The following ATE1 variants were observed in gnomAD, a reference collection of about 807,000 sequenced individuals.
The protein encoded by ATE1 is arginyl-tRNA--protein transferase 1.
Under a neutral mutation model 70.5 loss-of-function variants are expected in ATE1, and 36 were observed. The observed-to-expected ratio is 0.51, with a 90% CI of 0.39 to 0.67. The LOEUF (loss-of-function observed/expected upper bound fraction) is 0.67. ATE1 is among the 30% of genes least tolerant of loss of function. ATE1 has a pLI of 0.00. For synonymous variants in ATE1, 232 were observed against 219.3 expected (o/e 1.06, Z -0.51); for missense variants, 593 against 629.5 (o/e 0.94, Z 0.62).
chr10:121,836,803 G>C lies in ATE1; in HGVS notation c.1172C>G (p.Thr391Ser). The C allele has an allele frequency of 6.3e-7, 1 of 1,599,918 alleles. No homozygotes were observed. The change falls in exon 10 of 12, where the codon ACT becomes AGT. Residue 391 changes from threonine (T) to serine (S), a missense_variant. Around this residue, in one of 3 missense-constraint regions of ATE1, gnomAD observed 36 missense variants for 66.3 expected, o/e 0.54. Coordinates refer to ENST00000224652, the MANE Select transcript of ATE1 (RefSeq NM_001001976.3). ...AGAAGTTTTCTCATGAAGCTGCCTA[G>C]TAAAAGCAATTTCTCTGCGAAAAGA... ...VYSALREIAF[T>S]RQLHEKTSQL...
At chr10:121,895,228 T>C (rs1950733548) in intron 7 of ATE1, among the ~76,000 whole-genome samples, 1 of 152,186 alleles carries the variant, frequency 6.6e-6, no homozygotes, top group African/African-American at 2.4e-5. Context: ...ATTCCACGCG[T>C]ACGTATACAC....
intron 8 of ATE1, among the ~76,000 whole-genome samples, chr10:121,847,782 C>T (rs1189817973): frequency 2.4e-5 from 3 of 123,172 alleles, no homozygotes; most frequent in South Asian, 2.8e-4. Flanking sequence ...AAAAAAAAAT[C>T]GTGAACAGGC....
chr10:121,745,029 GC>G (rs761466493), intron 11 of ATE1, among the ~76,000 whole-genome samples: 14 of 152,162 alleles, frequency 9.2e-5, no homozygotes, highest in Non-Finnish European at 1.6e-4. Context: ...CAAAACAAAA[GC>G]TAGAAGGGAC....
chr10:121,928,011 C>T lies in ATE1; in HGVS notation c.-62G>A. ...GCGTCGCTAGCGCGGCCGCCGCCGC[C>T]ACCCCACAATGCAGCGCGCCGCCCG... On this transcript the variant is annotated 5_prime_UTR_variant, in exon 1 of 12. Transcript: ENST00000224652. 7.2e-7 allele frequency: 1 copy of T among 1,386,648 alleles called. No homozygotes were observed. The highest frequency in any genetic ancestry group is 1.6e-5 in the South Asian group (1 of 60,880). 85.9% of individuals were successfully genotyped at this position (1,386,648 alleles called of 1,614,324 possible). A position where few individuals can be genotyped will look rare whatever the true frequency, so the allele number is the denominator to read the frequency against.
In ATE1 at chr10:121,757,788, G is replaced by A. The variant is rs560570653; in HGVS notation, c.1379-13930C>T. On this transcript the variant is annotated intron_variant, in intron 11 of 11. Transcript: ENST00000224652. The stretch of plus-strand genomic sequence containing the variant: ...GTGAGAATTATGGGAGCTACAAGAT[G>A]ACATTTGGGTGGGGACACAGAGCCA... 3.3e-5 allele frequency among the ~76,000 whole-genome samples: 5 copies of A among 152,332 alleles called. No homozygotes were observed. In the East Asian group the frequency reaches 9.7e-4, roughly 29 times the overall value.
At position 121,787,261 on chromosome 10, in the gene ATE1, T is replaced by C. The variant is rs555619164; in HGVS notation, c.1378+2908A>G. Among the ~76,000 whole-genome samples, 75 of 152,338 alleles carry C rather than the reference T, an allele frequency of 4.9e-4. No individual in the cohort carries two copies. The South Asian group carries it at 0.015, about 31-fold the overall frequency. ...ACAAGATTTAGTGAAAAAAGCACCA[T>C]GCTGACGAACAACAATTATTGCCCA... On this transcript the variant is annotated intron_variant, in intron 11 of 11. Transcript: ENST00000224652.
At chr10:121,794,192 A>G (rs1946562752) in intron 10 of ATE1, among the ~76,000 whole-genome samples, 1 of 152,194 alleles carries the variant, frequency 6.6e-6, no homozygotes, top group Non-Finnish European at 1.5e-5. Flanking sequence ...ACATAGTTTT[A>G]ACTATTAAAG....
Position 121,764,733 on chromosome 10 carries a change from G to A in ATE1, c.1379-20875C>T, listed in dbSNP as rs538843364. On this transcript the variant is annotated intron_variant, in intron 11 of 11. Transcript: ENST00000224652. Reference sequence around the variant, plus strand: ...TCTGAGTTTATGCTTTGCTGAAGGCGACTCTGCTTACCTGTGCAGAGTGAG... The same window carrying A: ...TCTGAGTTTATGCTTTGCTGAAGGCAACTCTGCTTACCTGTGCAGAGTGAG... Among the ~76,000 whole-genome samples, 12 of 152,246 alleles carry A rather than the reference G, an allele frequency of 7.9e-5. No homozygotes were observed. The South Asian group carries it at 2.3e-3, about 29-fold the overall frequency.
At chr10:121,845,894 C>T (rs562839063) in intron 8 of ATE1, among the ~76,000 whole-genome samples, 24 of 152,166 alleles carry the variant, frequency 1.6e-4, no homozygotes, top group Admixed American at 1.2e-3. Flanking sequence ...TAGATATGTG[C>T]ATATATATGC....
At chr10:121,915,495 C>T (rs1416962537) in intron 3 of ATE1, among the ~76,000 whole-genome samples, 5 of 152,032 alleles carry the variant, frequency 3.3e-5, no homozygotes, top group South Asian at 2.1e-4. Context: ...TAAGATGGGA[C>T]GAGCCCCCAG....
At chr10:121,792,390 C>A (rs145258446) in intron 10 of ATE1, among the ~76,000 whole-genome samples, 939 of 152,216 alleles carry the variant, frequency 6.2e-3, no homozygotes, top group South Asian at 0.016. Context: ...TTGTTCTATT[C>A]CAATAGGAGC....
At chr10:121,823,300 AAAAACAAAAC>A (rs773187203) in intron 10 of ATE1, among the ~76,000 whole-genome samples, 1 of 152,116 alleles carries the variant, frequency 6.6e-6, no homozygotes, top group Non-Finnish European at 1.5e-5. Flanking sequence ...AAAAAAAAAC[AAAAACAAAAC>A]AAAACAAAAC....
intron 7 of ATE1, among the ~76,000 whole-genome samples, chr10:121,880,141 GATT>G (rs1362279318): frequency 6.6e-6 from 1 of 152,082 alleles, no homozygotes. Flanking sequence ...TTAGCTATTT[GATT>G]ATTATTAAGA....
intron 3 of ATE1, among the ~76,000 whole-genome samples, chr10:121,917,783 CT>C (rs1487046468): frequency 6.6e-6 from 1 of 152,084 alleles, no homozygotes; most frequent in Non-Finnish European, 1.5e-5. Context: ...TGGGGGATTG[CT>C]TTTTCCAAAA....
At chr10:121,808,427 A>G (rs928041368) in intron 10 of ATE1, among the ~76,000 whole-genome samples, 8 of 152,198 alleles carry the variant, frequency 5.3e-5, no homozygotes, top group Admixed American at 5.2e-4. Flanking sequence ...GTTCGACAGC[A>G]AGATCCCAGG....
intron 8 of ATE1, among the ~76,000 whole-genome samples, chr10:121,842,471 T>TA (rs952189143): frequency 2.8e-4 from 42 of 149,376 alleles, no homozygotes; most frequent in African/African-American, 3.7e-4. Flanking sequence ...TAGAAGAGAA[T>TA]AAAAAAAAAT....
chr10:121,852,758 T>C (rs912594667), intron 8 of ATE1, among the ~76,000 whole-genome samples: 2 of 152,182 alleles, frequency 1.3e-5, no homozygotes, highest in African/African-American at 4.8e-5. Context: ...TAAGCCACTG[T>C]GGCTTCATTT....
At chr10:121,825,935 T>G (rs1471944271) in intron 10 of ATE1, among the ~76,000 whole-genome samples, 5 of 152,200 alleles carry the variant, frequency 3.3e-5, no homozygotes, top group Non-Finnish European at 7.3e-5. Context: ...CAGATGCCAA[T>G]GGATAAATGA....
At chr10:121,765,278 A>G (rs1945229392) in intron 11 of ATE1, among the ~76,000 whole-genome samples, 1 of 152,032 alleles carries the variant, frequency 6.6e-6, no homozygotes. Context: ...TCCACCCTTC[A>G]GTACAAATGT....
Sources: allele counts gnomAD v4.1 joint callset (sites outside exome capture counted in the v4.1 genomes callset), GRCh38; gene constraint gnomAD v4.1.1; regional missense constraint gnomAD v4.1.1; transcripts MANE v1.5; gene names NCBI Gene and HGNC (gene_info 2026-07-23, HGNC 2026-07-21).